STUM: variants seen among roughly 807,000 people sequenced by gnomAD.
The protein encoded by STUM is protein stum homolog.
In STUM, 8 loss-of-function variants were observed where a neutral mutation model predicts 15.3. The ratio of observed to expected loss-of-function variants is 0.52; its 90% CI spans 0.31 to 0.94. The LOEUF (loss-of-function observed/expected upper bound fraction) is 0.94. STUM is among the 40% of genes least tolerant of loss of function. STUM has a pLI of 0.05. For synonymous variants in STUM, 78 were observed against 88.7 expected, an observed-to-expected ratio of 0.88 and a Z score of 0.68; for missense variants, 142 against 204.9, an observed-to-expected ratio of 0.69 and a Z score of 1.87.
At position 226,603,726 on chromosome 1, in the gene STUM, T is replaced by G. The variant is rs923345239; in HGVS notation, c.*1686T>G. On this transcript the variant is annotated 3_prime_UTR_variant, in exon 4 of 4. Coordinates refer to ENST00000366788, the MANE Select transcript of STUM (RefSeq NM_001003665.4). ...GGGCCCTGCTGCCCACCCCTTATCATGGATCCCTTAGCTACTGTCCGTCTT... is the reference window on the plus strand; with the variant it reads ...GGGCCCTGCTGCCCACCCCTTATCAGGGATCCCTTAGCTACTGTCCGTCTT... 1 of 152,360 alleles carries G rather than the reference T, an allele frequency of 6.6e-6. No homozygotes were observed. Among genetic ancestry groups the G allele is most frequent in the African/African-American group, 2.4e-5 (1 of 41,454 alleles). The allele number at this position is 152,360 out of a possible 1,614,324, so 9.4% of individuals were successfully genotyped here.
chr1:226,591,136 A>T (rs965504039), intron 1 of STUM, among the ~76,000 whole-genome samples: 3 of 152,238 alleles, frequency 2.0e-5, no homozygotes, highest in African/African-American at 7.2e-5. Flanking sequence ...AAATGTGCTA[A>T]AACCATTTTT....
chr1:226,583,893 C>T (rs12749398), intron 1 of STUM, among the ~76,000 whole-genome samples: 64,067 of 151,966 alleles, frequency 0.42, 13,758 homozygotes, highest in Admixed American at 0.49. Flanking sequence ...AAAAACCAAA[C>T]ATCCTCGCCC....
chr1:226,592,345 A>G (rs581400), intron 1 of STUM, among the ~76,000 whole-genome samples: 111,386 of 152,126 alleles, frequency 0.73, 41,320 homozygotes, highest in African/African-American at 0.85. Context: ...CACCACGCCC[A>G]GCCTTTTTCC....
intron 1 of STUM, among the ~76,000 whole-genome samples, chr1:226,560,434 G>T (rs910652479): frequency 2.0e-5 from 3 of 152,164 alleles, no homozygotes; most frequent in Non-Finnish European, 4.4e-5. Flanking sequence ...GGCAAGACGC[G>T]AGCAGCCTCC....
chr1:226,584,598 A>G (rs1667970375), intron 1 of STUM, among the ~76,000 whole-genome samples: 1 of 152,208 alleles, frequency 6.6e-6, no homozygotes, highest in South Asian at 2.1e-4. Context: ...AGGTGAGCCC[A>G]AGCCTGCCAT....
chr1:226,580,094 G>C (rs1323249066), intron 1 of STUM, among the ~76,000 whole-genome samples: 2 of 150,412 alleles, frequency 1.3e-5, no homozygotes, highest in African/African-American at 2.5e-5. Flanking sequence ...TGTTAGCAGA[G>C]ACAAAGTGGG....
chr1:226,605,617 C>A lies in STUM; in HGVS notation c.*3577C>A, dbSNP rs931596778. ...TCCATCCCCTCAGCAGCCGCCCCCACCCCAAGCTGGGAAAATAAGCTTCTC... is the reference window on the plus strand; with the variant it reads ...TCCATCCCCTCAGCAGCCGCCCCCAACCCAAGCTGGGAAAATAAGCTTCTC... On this transcript the variant is annotated 3_prime_UTR_variant, in exon 4 of 4. Coordinates refer to ENST00000366788, the MANE Select transcript of STUM (RefSeq NM_001003665.4). The surrounding 1 kb of genome is among the most constrained non-coding windows in gnomAD (Gnocchi z 4.0). The A allele has an allele frequency of 6.6e-6, 1 of 152,214 alleles. No individual in the cohort carries two copies. Among genetic ancestry groups the A allele is most frequent in the Admixed American group, 6.5e-5 (1 of 15,284 alleles). 9.4% of individuals were successfully genotyped at this position (152,214 alleles called of 1,614,324 possible).
rs565509595 is a variant in STUM at position 226,589,540 on chromosome 1, C to T, written c.203-7262C>T. ...TGCTTGTGTTTTTGCTGCAACTCTC[C>T]GTGGGAGGACTTCCCCAGGCCTCTG... On this transcript the variant is annotated intron_variant, in intron 1 of 3. Coordinates refer to ENST00000366788, the MANE Select transcript of STUM (RefSeq NM_001003665.4). Among the ~76,000 whole-genome samples the T allele has an allele frequency of 1.2e-4, 19 of 152,310 alleles. No homozygotes were observed. In the South Asian group the frequency reaches 1.7e-3, roughly 13 times the overall value.
Position 226,605,908 on chromosome 1 carries a change from G to A in STUM, c.*3868G>A, listed in dbSNP as rs992941098. 5 of 152,242 alleles carry A rather than the reference G, an allele frequency of 3.3e-5. No homozygotes were observed. Among genetic ancestry groups the A allele is most frequent in the Admixed American group, 1.3e-4 (2 of 15,292 alleles). 9.4% of individuals were successfully genotyped at this position (152,242 alleles called of 1,614,324 possible). ...CCTAATGTGCAGGACCAAGTTGCCC[G>A]CTCTGCCAGCCAGGGGCTCCAGCCA... On this transcript the variant is annotated 3_prime_UTR_variant, in exon 4 of 4. Coordinates refer to ENST00000366788, the MANE Select transcript of STUM (RefSeq NM_001003665.4). This position sits in a 1 kb window ranked among gnomAD's most constrained non-coding sequence, Gnocchi z 4.0.
At chr1:226,594,052 C>T (rs538860443) in intron 1 of STUM, among the ~76,000 whole-genome samples, 2 of 152,280 alleles carry the variant, frequency 1.3e-5, no homozygotes, top group South Asian at 2.1e-4. Flanking sequence ...AATGAGATGC[C>T]GCCTGAGACC....
intron 1 of STUM, among the ~76,000 whole-genome samples, chr1:226,588,571 C>T (rs952464140): frequency 5.9e-5 from 9 of 152,238 alleles, no homozygotes; most frequent in Non-Finnish European, 1.0e-4. Context: ...TTCAAGGCTA[C>T]GCTGATTCTG....
chr1:226,565,326 A>C lies in STUM; in HGVS notation c.202+16220A>C, dbSNP rs1023846284. 6.6e-6 allele frequency among the ~76,000 whole-genome samples: 1 copy of C among 152,000 alleles called. No homozygotes were observed. The highest frequency in any genetic ancestry group is 1.5e-5 in the Non-Finnish European group (1 of 68,004). ...ACCTCTGTGTATAGTTCCTTCATGA[A>C]GACCCTGGGGGTGGGAGCCTTTGCT... On this transcript the variant is annotated intron_variant, in intron 1 of 3. Transcript: ENST00000366788. The surrounding 1 kb of genome is among the most constrained non-coding windows in gnomAD (Gnocchi z 4.4).
chr1:226,596,160 G>A (rs1342287988), intron 1 of STUM, among the ~76,000 whole-genome samples: 1 of 152,172 alleles, frequency 6.6e-6, no homozygotes, highest in Non-Finnish European at 1.5e-5. Flanking sequence ...ATAGAGCTTA[G>A]GCTCCCTGTC....
intron 1 of STUM, among the ~76,000 whole-genome samples, chr1:226,575,522 G>A (rs558885709): frequency 1.4e-4 from 22 of 152,352 alleles, no homozygotes; most frequent in Non-Finnish European, 2.6e-4. Context: ...AGGCCTGGCT[G>A]GGCTCTGGGT....
At chr1:226,598,014 T>G (rs1668211435) in intron 2 of STUM, among the ~76,000 whole-genome samples, 2 of 152,100 alleles carry the variant, frequency 1.3e-5, no homozygotes, top group African/African-American at 4.8e-5. Context: ...CTGGGAGGGG[T>G]GTGCTCAGGG....
intron 1 of STUM, among the ~76,000 whole-genome samples, chr1:226,572,950 G>A (rs990513569): frequency 6.6e-6 from 1 of 152,196 alleles, no homozygotes; most frequent in African/African-American, 2.4e-5. Context: ...CAGAGCCAGG[G>A]CTAGAACCCA....
In STUM at chr1:226,606,004, G is replaced by C. The variant is rs1387712642; in HGVS notation, c.*3964G>C. The stretch of plus-strand genomic sequence containing the variant: ...GCAGGATGCCCAGGGCTCGGAAGCA[G>C]TAAGGAGGATGCTACAGAAAGGAAC... On this transcript the variant is annotated 3_prime_UTR_variant, in exon 4 of 4. Transcript: ENST00000366788. 1 of 152,210 alleles carries C rather than the reference G, an allele frequency of 6.6e-6. No individual in the cohort carries two copies. The highest frequency in any genetic ancestry group is 2.4e-5 in the African/African-American group (1 of 41,446). The allele number at this position is 152,210 out of a possible 1,614,324, so 9.4% of individuals were successfully genotyped here.
chr1:226,586,029 C>T (rs1261995510), intron 1 of STUM, among the ~76,000 whole-genome samples: 1 of 151,940 alleles, frequency 6.6e-6, no homozygotes, highest in Non-Finnish European at 1.5e-5. Context: ...GGCATCAATT[C>T]CATCATGGAG....
intron 1 of STUM, among the ~76,000 whole-genome samples, chr1:226,577,868 G>T (rs991709084): frequency 2.0e-5 from 3 of 152,166 alleles, no homozygotes; most frequent in Non-Finnish European, 4.4e-5. Context: ...AGACAGTAGG[G>T]CGGGGGAGAG....
Sources: allele counts gnomAD v4.1 joint callset (sites outside exome capture counted in the v4.1 genomes callset), GRCh38; gene constraint gnomAD v4.1.1; non-coding constraint Gnocchi (gnomAD v3.1); transcripts MANE v1.5; gene names NCBI Gene and HGNC (gene_info 2026-07-23, HGNC 2026-07-21).